The following PRICKLE2 variants were observed in gnomAD, a reference collection of about 807,000 sequenced individuals.
PRICKLE2 encodes the protein prickle-like protein 2.
In PRICKLE2, 21 loss-of-function variants were observed where a neutral mutation model predicts 81.4. The observed-to-expected ratio is 0.26, with a 90% CI of 0.18 to 0.37. PRICKLE2 has a LOEUF of 0.37. Ranked by LOEUF, PRICKLE2 falls within the 10% of genes least tolerant of loss-of-function variation. PRICKLE2 has a pLI of 1.00. For missense variants in PRICKLE2, 940 were observed against 1,109.0 expected (o/e 0.85, Z 2.16); for synonymous variants, 456 against 421.5 (o/e 1.08, Z -1.00).
At chr3:64,159,914 C>T (rs1468574005) in intron 4 of PRICKLE2, 26 bp downstream of exon 4, 4 of 1,614,032 alleles carry the variant, frequency 2.5e-6, no homozygotes, top group Admixed American at 1.7e-5. Flanking sequence ...AACAATGCCT[C>T]TTCACTCCCC....
intron 2 of PRICKLE2, among the ~76,000 whole-genome samples, chr3:64,168,981 T>A (rs1420253398): frequency 1.3e-5 from 2 of 151,966 alleles, no homozygotes. Flanking sequence ...TTCCCAGCCA[T>A]ATCCATTTTT....
chr3:64,130,955 G>A (rs901976614), intron 7 of PRICKLE2, among the ~76,000 whole-genome samples: 1 of 152,182 alleles, frequency 6.6e-6, no homozygotes, highest in African/African-American at 2.4e-5. Context: ...GATGGAGAAG[G>A]CCTGCGGACT....
chr3:64,262,460 T>C (rs1183851892), intron 2 of PRICKLE2, among the ~76,000 whole-genome samples: 2 of 151,970 alleles, frequency 1.3e-5, no homozygotes, highest in African/African-American at 4.8e-5. Context: ...AGAAGAGATG[T>C]GTATCTAAGT....
Position 64,146,691 on chromosome 3 carries a change from G to A in PRICKLE2, c.1660+139C>T, listed in dbSNP as rs138496129. 349 of 898,650 alleles carry A rather than the reference G, an allele frequency of 3.9e-4. 2 individuals carry two copies. The African/African-American group carries it at 5.0e-3, about 13-fold the overall frequency. 55.7% of individuals were successfully genotyped at this position (898,650 alleles called of 1,614,324 possible). A position where few individuals can be genotyped will look rare whatever the true frequency, so the allele number is the denominator to read the frequency against. On this transcript the variant is annotated intron_variant, in intron 7 of 7. Coordinates refer to ENST00000638394, the MANE Select transcript of PRICKLE2 (RefSeq NM_198859.4). Reference sequence around the variant, plus strand: ...CCGGGAGGTGGAGCTTGCAGTGAGCGGAGATCGTGCCACTGCACTCCAGCC... The same window carrying A: ...CCGGGAGGTGGAGCTTGCAGTGAGCAGAGATCGTGCCACTGCACTCCAGCC...
Position 64,098,923 on chromosome 3 carries a change from A to T in PRICKLE2, c.*128T>A, listed in dbSNP as rs1009585028. The T allele has an allele frequency of 3.6e-5, 37 of 1,031,242 alleles. 1 individual carries two copies. The highest frequency in any genetic ancestry group is 5.3e-5 in the Non-Finnish European group (35 of 662,254). The allele number at this position is 1,031,242 out of a possible 1,614,324, so 63.9% of individuals were successfully genotyped here. ...TCAACCTGTAACCTTGCCTCCATCT[A>T]CTGACAGCATTTTCCCTTTTCTCCC... is the stretch of plus-strand genomic sequence containing the variant. On this transcript the variant is annotated 3_prime_UTR_variant, in exon 8 of 8. Coordinates refer to ENST00000638394, the MANE Select transcript of PRICKLE2 (RefSeq NM_198859.4).
At chr3:64,242,770 G>A (rs1575706431) in intron 2 of PRICKLE2, among the ~76,000 whole-genome samples, 1 of 152,344 alleles carries the variant, frequency 6.6e-6, no homozygotes, top group South Asian at 2.1e-4. Context: ...GCATCAGTCT[G>A]TGAATGGCAA....
chr3:64,234,421 C>T (rs1301794259), intron 2 of PRICKLE2, among the ~76,000 whole-genome samples: 1 of 152,100 alleles, frequency 6.6e-6, no homozygotes, highest in African/African-American at 2.4e-5. Context: ...TAATGTTAAA[C>T]ATCTTTTCAT....
chr3:64,209,967 G>T (rs1048309231), intron 1 of PRICKLE2, among the ~76,000 whole-genome samples: 2 of 152,174 alleles, frequency 1.3e-5, no homozygotes, highest in African/African-American at 2.4e-5. Context: ...CGGCAGAGAA[G>T]AAGTGAGCAC....
intron 7 of PRICKLE2, among the ~76,000 whole-genome samples, chr3:64,121,533 A>C (rs2077027652): frequency 1.4e-5 from 1 of 73,832 alleles, no homozygotes; most frequent in South Asian, 1.3e-3. Context: ...CTGGAGCCTA[A>C]GGCAAAAGAA....
chr3:64,179,217 T>C (rs916731834), intron 2 of PRICKLE2, among the ~76,000 whole-genome samples: 2 of 151,650 alleles, frequency 1.3e-5, no homozygotes, highest in Non-Finnish European at 2.9e-5. Flanking sequence ...GCTGGGATTA[T>C]AGGCATGTAC....
chr3:64,146,761 TG>T, intron 7 of PRICKLE2, 68 bp downstream of exon 7: 1 of 1,559,564 alleles, frequency 6.4e-7, no homozygotes. Context: ...AAAAAATTCC[TG>T]GGGACCAGCA....
At chr3:64,228,346 A>G (rs1463241955), upstream of PRICKLE2, among the ~76,000 whole-genome samples, 2 of 152,168 alleles carry the variant, frequency 1.3e-5, no homozygotes. Flanking sequence ...AATTGCATTC[A>G]AGAGAGGGAT....
chr3:64,204,623 G>A (rs1206189058), intron 1 of PRICKLE2, among the ~76,000 whole-genome samples: 1 of 151,910 alleles, frequency 6.6e-6, no homozygotes, highest in East Asian at 1.9e-4. Flanking sequence ...ACCAAGGAGG[G>A]GGGAAGAAAA....
At chr3:64,210,981 C>T (rs2078776606) in intron 1 of PRICKLE2, among the ~76,000 whole-genome samples, 1 of 152,132 alleles carries the variant, frequency 6.6e-6, no homozygotes, top group South Asian at 2.1e-4. Flanking sequence ...AGTTAATGAA[C>T]AGGTAGCAGC....
At chr3:64,221,158 C>T (rs2078945613) in intron 1 of PRICKLE2, among the ~76,000 whole-genome samples, 1 of 151,992 alleles carries the variant, frequency 6.6e-6, no homozygotes, top group Admixed American at 6.6e-5. Flanking sequence ...TGATATTCTC[C>T]CAGCTGCTTC....
intron 2 of PRICKLE2, among the ~76,000 whole-genome samples, chr3:64,186,841 G>C (rs185278014): frequency 1.3e-5 from 2 of 152,160 alleles, no homozygotes; most frequent in African/African-American, 4.8e-5. Context: ...GCGTCATAAG[G>C]CAGAGGAGAT....
intron 7 of PRICKLE2, among the ~76,000 whole-genome samples, chr3:64,138,652 A>G (rs1340099758): frequency 1.3e-5 from 2 of 152,250 alleles, no homozygotes; most frequent in Non-Finnish European, 2.9e-5. Flanking sequence ...TTGGAGTTAG[A>G]ATTCTGACAC....
intron 2 of PRICKLE2, among the ~76,000 whole-genome samples, chr3:64,178,385 A>G (rs531537238): frequency 6.6e-6 from 1 of 152,222 alleles, no homozygotes; most frequent in South Asian, 2.1e-4. Context: ...ATATGCCTCC[A>G]TGAGGATGGC....
At position 64,140,167 on chromosome 3, in the gene PRICKLE2, AG is replaced by A. The variant is rs550328692; in HGVS notation, c.1660+6662del. 4.5e-3 allele frequency among the ~76,000 whole-genome samples: 685 copies of A among 152,316 alleles called. 7 individuals carry two copies. Among genetic ancestry groups the A allele is most frequent in the Non-Finnish European group, 7.9e-3 (534 of 68,022 alleles). Reference sequence around the variant, plus strand: ...TTTAATTCACATTACAACCCTGAAAAGTAGGGTCATTCCATTTCAAAGATGA... The same window carrying A: ...TTTAATTCACATTACAACCCTGAAAATAGGGTCATTCCATTTCAAAGATGA... On this transcript the variant is annotated intron_variant, in intron 7 of 7. Transcript: ENST00000638394.
Sources: gnomAD v4.1 joint callset for allele counts (sites outside exome capture counted in the v4.1 genomes callset) on GRCh38, gnomAD v4.1.1 for gene constraint, MANE v1.5 for transcripts, NCBI Gene and HGNC (gene_info 2026-07-23, HGNC 2026-07-21) for gene names.